DLGAP2: variants seen among roughly 807,000 people sequenced by gnomAD.
DLGAP2 encodes DLG associated protein 2, also known as disks large-associated protein 2.
DLGAP2 carries 26 observed loss-of-function variants against 100.3 expected under a neutral mutation model. That is an observed-to-expected ratio of 0.26 (90% CI 0.19 to 0.36). The LOEUF is 0.36. Ranked by LOEUF, DLGAP2 falls within the 10% of genes least tolerant of loss-of-function variation. The pLI is 1.00. For synonymous variants in DLGAP2, 886 were observed against 630.1 expected (o/e 1.41, Z -6.08); for missense variants, 1,858 against 1,453.2 (o/e 1.28, Z -4.53).
chr8:803,942 T>C (rs1796218531), intron 1 of DLGAP2, among the ~76,000 whole-genome samples: 1 of 152,216 alleles, frequency 6.6e-6, no homozygotes, highest in Admixed American at 6.5e-5. Context: ...TAGAAAGATG[T>C]ATCCGTGAAA....
intron 8 of DLGAP2, among the ~76,000 whole-genome samples, chr8:1,664,149 G>A (rs575806377): frequency 6.6e-6 from 1 of 152,326 alleles, no homozygotes; most frequent in Non-Finnish European, 1.5e-5. Context: ...CTGTAGGACA[G>A]GCCATGCCCA....
At chr8:1,540,370 T>C (rs1357359565) in intron 4 of DLGAP2, among the ~76,000 whole-genome samples, 1 of 152,230 alleles carries the variant, frequency 6.6e-6, no homozygotes, top group Non-Finnish European at 1.5e-5. Flanking sequence ...TCTACCACGG[T>C]ACCTTGTTTG....
chr8:953,790 C>T (rs909619709), intron 2 of DLGAP2, among the ~76,000 whole-genome samples: 6 of 151,244 alleles, frequency 4.0e-5, no homozygotes, highest in Non-Finnish European at 7.3e-5. Context: ...CCGTTTAAGA[C>T]AGTCGTTTCC....
intron 2 of DLGAP2, among the ~76,000 whole-genome samples, chr8:1,220,972 T>G (rs1798304365): frequency 6.6e-6 from 1 of 152,228 alleles, no homozygotes; most frequent in Non-Finnish European, 1.5e-5. Context: ...TCCATACATT[T>G]ACTTTGAGCC....
At chr8:1,548,542 C>T (rs1801629978) in intron 4 of DLGAP2, 84 bp from the exon 5 acceptor site, 1 of 1,263,224 alleles carries the variant, frequency 7.9e-7, no homozygotes, top group East Asian at 2.8e-5. Context: ...TTAATGAAGT[C>T]CACGGTGGGG....
intron 8 of DLGAP2, among the ~76,000 whole-genome samples, chr8:1,646,580 A>G (rs1429898166): frequency 2.0e-5 from 3 of 152,266 alleles, no homozygotes; most frequent in East Asian, 1.9e-4. Flanking sequence ...TCTCACCATC[A>G]GCTCTTCACA....
chr8:764,688 C>G (rs1821166473), intron 1 of DLGAP2, among the ~76,000 whole-genome samples: 1 of 152,192 alleles, frequency 6.6e-6, no homozygotes, highest in Non-Finnish European at 1.5e-5. Context: ...TACCATAAAA[C>G]TGGCCCCATC....
At chr8:926,031 C>T (rs1393582189) in intron 2 of DLGAP2, among the ~76,000 whole-genome samples, 1 of 152,182 alleles carries the variant, frequency 6.6e-6, no homozygotes, top group Non-Finnish European at 1.5e-5. Flanking sequence ...CGCTCGGGGG[C>T]ACAGAGCAGG....
At chr8:919,388 A>G (rs140025059) in intron 2 of DLGAP2, among the ~76,000 whole-genome samples, 4 of 152,254 alleles carry the variant, frequency 2.6e-5, no homozygotes, top group Non-Finnish European at 4.4e-5. Context: ...TTGTTTGCCT[A>G]AAGTACTAGG....
intron 3 of DLGAP2, among the ~76,000 whole-genome samples, chr8:1,311,494 A>G (rs1294424303): frequency 5.3e-5 from 8 of 152,206 alleles, no homozygotes; most frequent in Admixed American, 4.6e-4. Context: ...ATCACAAACC[A>G]TATCCCTTAT....
intron 6 of DLGAP2, among the ~76,000 whole-genome samples, chr8:1,583,282 C>T (rs1264065201): frequency 6.6e-6 from 1 of 152,168 alleles, no homozygotes; most frequent in Non-Finnish European, 1.5e-5. Flanking sequence ...AAGTGAGTAA[C>T]CAAGAGAACA....
chr8:861,528 G>C (rs901436552), intron 1 of DLGAP2, among the ~76,000 whole-genome samples: 3 of 152,146 alleles, frequency 2.0e-5, no homozygotes, highest in Admixed American at 6.6e-5. Flanking sequence ...TGCTTAGTAG[G>C]GTCTTGTCGA....
chr8:1,623,387 C>G (rs953447514), intron 6 of DLGAP2, among the ~76,000 whole-genome samples: 1 of 151,610 alleles, frequency 6.6e-6, no homozygotes. Flanking sequence ...GCGTGATGAC[C>G]TGACACCAGT....
chr8:1,643,188 C>T (rs868125653), intron 8 of DLGAP2, among the ~76,000 whole-genome samples: 2 of 23,230 alleles, frequency 8.6e-5, no homozygotes, highest in Non-Finnish European at 1.3e-4. Flanking sequence ...ACCCCGCCGG[C>T]CCTCACCTGT....
At chr8:1,641,076 C>G (rs561299034) in intron 8 of DLGAP2, among the ~76,000 whole-genome samples, 1 of 152,014 alleles carries the variant, frequency 6.6e-6, no homozygotes, top group Non-Finnish European at 1.5e-5. Context: ...GGTCGGGTGT[C>G]GGAGTTAGGA....
At chr8:1,336,659 G>A (rs536628260) in intron 3 of DLGAP2, among the ~76,000 whole-genome samples, 1 of 152,152 alleles carries the variant, frequency 6.6e-6, no homozygotes, top group Admixed American at 6.5e-5. Context: ...ACAGGCTGGG[G>A]CCCCTCAAGG....
chr8:1,125,278 C>A (rs942137584), intron 2 of DLGAP2, among the ~76,000 whole-genome samples: 24 of 152,218 alleles, frequency 1.6e-4, no homozygotes, highest in African/African-American at 5.8e-4. Flanking sequence ...CCACCTGGTA[C>A]TTCCAGCCTC....
intron 6 of DLGAP2, among the ~76,000 whole-genome samples, chr8:1,597,009 A>C (rs754895427): frequency 6.6e-6 from 1 of 152,168 alleles, no homozygotes; most frequent in Non-Finnish European, 1.5e-5. Context: ...TCTTATGTTT[A>C]AGTCTTTTAT....
At chr8:978,819 C>T (rs1800244981) in intron 2 of DLGAP2, among the ~76,000 whole-genome samples, 2 of 152,138 alleles carry the variant, frequency 1.3e-5, no homozygotes, top group Non-Finnish European at 1.5e-5. Context: ...TTTTGATAAG[C>T]TTGACAAAAC....
Sources: gnomAD v4.1 joint callset for allele counts (sites outside exome capture counted in the v4.1 genomes callset) on GRCh38, gnomAD v4.1.1 for gene constraint, MANE v1.5 for transcripts, NCBI Gene and HGNC (gene_info 2026-07-23, HGNC 2026-07-21) for gene names.